The following TRMU variants were observed in gnomAD, a reference collection of about 807,000 sequenced individuals.
TRMU encodes the protein tRNA mitochondrial 2-thiouridylase.
Under a neutral mutation model 46.9 loss-of-function variants are expected in TRMU, and 49 were observed. That is an observed-to-expected ratio of 1.05 (90% CI 0.83 to 1.33). The LOEUF (loss-of-function observed/expected upper bound fraction) is 1.33. TRMU is among the 40% of genes most tolerant of loss of function. The pLI is 0.00. For synonymous variants in TRMU, 241 were observed against 200.9 expected (o/e 1.20, Z -1.69); for missense variants, 572 against 532.4 (o/e 1.07, Z -0.73).
chr22:46,336,492 T>G lies in TRMU; in HGVS notation c.82+646T>G, dbSNP rs2077982162. 1.3e-5 allele frequency: 2 copies of G among 152,338 alleles called. No individual in the cohort carries two copies. Among genetic ancestry groups the G allele is most frequent in the African/African-American group, 4.8e-5 (2 of 41,450 alleles). The allele number at this position is 152,338 out of a possible 1,614,324, so 9.4% of individuals were successfully genotyped here. A position where few individuals can be genotyped will look rare whatever the true frequency, so the allele number is the denominator to read the frequency against. ...CCTGTGTGGCTCCCCGCGGGAGGCC[T>G]CATTCACAGAGTCACGTTTGTGGAG... On this transcript the variant is annotated intron_variant, in intron 1 of 10. Coordinates refer to ENST00000645190, the MANE Select transcript of TRMU (RefSeq NM_018006.5). This position sits in a 1 kb window ranked among gnomAD's most constrained non-coding sequence, Gnocchi z 4.1.
chr22:46,345,935 T>C (rs183569940), intron 3 of TRMU, among the ~76,000 whole-genome samples: 100 of 151,894 alleles, frequency 6.6e-4, no homozygotes, highest in Admixed American at 1.2e-3. Flanking sequence ...GCCTGGCTAA[T>C]TTTTGTATTT....
Position 46,336,054 on chromosome 22 carries a change from G to A in TRMU, c.82+208G>A, listed in dbSNP as rs2077967150. On this transcript the variant is annotated intron_variant, in intron 1 of 10. Transcript: ENST00000645190. The surrounding 1 kb of genome is among the most constrained non-coding windows in gnomAD (Gnocchi z 4.1). ...CGGAGGTGTGCGCGACTGCAGCTCC[G>A]ACTACCTGGGAGCAGTTCCGCGCCC... is the stretch of plus-strand genomic sequence containing the variant. The A allele has an allele frequency of 7.1e-6, 10 of 1,401,718 alleles. No homozygotes were observed. Among genetic ancestry groups the A allele is most frequent in the African/African-American group, 1.5e-5 (1 of 65,708 alleles). 86.8% of individuals were successfully genotyped at this position (1,401,718 alleles called of 1,614,324 possible).
chr22:46,346,384 G>C, intron 3 of TRMU, 38 bp from the exon 4 acceptor site: 1 of 1,605,612 alleles, frequency 6.2e-7, no homozygotes, highest in Non-Finnish European at 8.5e-7. Flanking sequence ...GCAAGTATGA[G>C]TCTAAAACCT....
At chr22:46,337,202 A>G (rs1182608686) in intron 1 of TRMU, among the ~76,000 whole-genome samples, 1 of 152,218 alleles carries the variant, frequency 6.6e-6, no homozygotes, top group Non-Finnish European at 1.5e-5. Context: ...TAAACGAACC[A>G]GCTTTCTCAT....
intron 5 of TRMU, 82 bp from the exon 6 acceptor site, chr22:46,352,039 C>T: frequency 2.6e-6 from 4 of 1,520,802 alleles, no homozygotes; most frequent in South Asian, 1.1e-5. Flanking sequence ...CGGGAGGCCC[C>T]AGGGCCCGCT....
At position 46,336,196 on chromosome 22, in the gene TRMU, C is replaced by CT; in HGVS notation, c.82+351dup. The CT allele has an allele frequency of 8.8e-7, 1 of 1,142,180 alleles. No homozygotes were observed. The highest frequency in any genetic ancestry group is 1.1e-6 in the Non-Finnish European group (1 of 917,198). The allele number at this position is 1,142,180 out of a possible 1,614,324, so 70.8% of individuals were successfully genotyped here. A position where few individuals can be genotyped will look rare whatever the true frequency, so the allele number is the denominator to read the frequency against. On this transcript the variant is annotated intron_variant, in intron 1 of 10. Transcript: ENST00000645190. This position sits in a 1 kb window ranked among gnomAD's most constrained non-coding sequence, Gnocchi z 4.1. ...ACATTCACCTGTGAGACCGTGGACA[C>CT]TGGTGAGGGGAGCTGGGATCGCCGG...
chr22:46,352,146 A>G lies in TRMU; in HGVS notation c.677A>G (p.Lys226Arg). The G allele has an allele frequency of 6.2e-7, 1 of 1,613,948 alleles. No homozygotes were observed. Among genetic ancestry groups the G allele is most frequent in the Non-Finnish European group, 8.5e-7 (1 of 1,180,024 alleles). Residue 226 changes from lysine (K) to arginine (R), a missense_variant, in exon 6 of 11, where the codon AAG (lysine) becomes AGG (arginine). Coordinates refer to ENST00000645190, the MANE Select transcript of TRMU (RefSeq NM_018006.5). Reference sequence around the variant, plus strand: ...AGCATGGGCATGTGTTTCATCGGGAAGAGGAATTTTGAACATTTCCTTCTT... The same window carrying G: ...AGCATGGGCATGTGTTTCATCGGGAGGAGGAATTTTGAACATTTCCTTCTT... ...KESMGMCFIGKRNFEHFLLQY... is the reference protein window; with the variant it reads ...KESMGMCFIGRRNFEHFLLQY...
Position 46,335,732 on chromosome 22 carries a change from T to C in TRMU, c.-33T>C. ...TTCCGGCAAGGCGCGGAAGCGGCGG[T>C]AGCTGCAGCTGGCGAAGTTGGGCGA... On this transcript the variant is annotated 5_prime_UTR_variant, in exon 1 of 11. Coordinates refer to ENST00000645190, the MANE Select transcript of TRMU (RefSeq NM_018006.5). 1.3e-6 allele frequency: 2 copies of C among 1,541,024 alleles called. No individual in the cohort carries two copies. The highest frequency in any genetic ancestry group is 1.7e-6 in the Non-Finnish European group (2 of 1,146,738).
chr22:46,356,782 CCT>C, intron 10 of TRMU, 58 bp from the exon 11 acceptor site: 1 of 1,600,632 alleles, frequency 6.2e-7, no homozygotes, highest in Admixed American at 1.7e-5. Context: ...GCACTCTGCC[CCT>C]GCCTGCCCTC....
chr22:46,335,932 C>T (rs1318481456), intron 1 of TRMU, 86 bp downstream of exon 1: 2 of 1,510,556 alleles, frequency 1.3e-6, no homozygotes, highest in East Asian at 2.5e-5. Flanking sequence ...GTGCACGTCT[C>T]CTCCCTCCCT....
Position 46,348,980 on chromosome 22 carries a change from A to G in TRMU, c.479-1311A>G, listed in dbSNP as rs2078332270. ...AAACCCCATCTCTACTACAAATACA[A>G]AAAAAAAAGTTAGCCGAGTATGGTG... On this transcript the variant is annotated intron_variant, in intron 4 of 10. Coordinates refer to ENST00000645190, the MANE Select transcript of TRMU (RefSeq NM_018006.5). The surrounding 1 kb of genome is among the most constrained non-coding windows in gnomAD (Gnocchi z 4.8). 1.3e-5 allele frequency among the ~76,000 whole-genome samples: 2 copies of G among 150,664 alleles called. No homozygotes were observed. The highest frequency in any genetic ancestry group is 4.9e-5 in the African/African-American group (2 of 41,046).
rs1000103863 is a variant in TRMU, at chr22:46,351,902, C to T, written c.652-219C>T. The T allele has an allele frequency of 2.1e-5, 14 of 672,732 alleles. No individual in the cohort carries two copies. In the African/African-American group the frequency reaches 2.5e-4, roughly 12 times the overall value. The allele number at this position is 672,732 out of a possible 1,614,324, so 41.7% of individuals were successfully genotyped here. ...TGAGGGTCTCCCGCGCAGGGTCAGA[C>T]CCCGCGGGCCGAGACAATGAGGCGT... On this transcript the variant is annotated intron_variant, in intron 5 of 10. Transcript: ENST00000645190. The surrounding 1 kb of genome is among the most constrained non-coding windows in gnomAD (Gnocchi z 6.4).
intron 3 of TRMU, among the ~76,000 whole-genome samples, chr22:46,345,973 G>A (rs2078245095): frequency 6.6e-6 from 1 of 151,950 alleles, no homozygotes; most frequent in African/African-American, 2.4e-5. Context: ...TCACCATGTT[G>A]CCCAGGCTGG....
At chr22:46,341,158 A>G (rs1294031323) in intron 2 of TRMU, among the ~76,000 whole-genome samples, 1 of 152,206 alleles carries the variant, frequency 6.6e-6, no homozygotes, top group Admixed American at 6.5e-5. Context: ...GGGCTACTCC[A>G]TTGTTTTTGC....
intron 8 of TRMU, 96 bp downstream of exon 8, chr22:46,353,963 G>A: frequency 1.7e-6 from 2 of 1,171,862 alleles, no homozygotes; most frequent in Non-Finnish European, 2.5e-6. Context: ...CAGCAGCCGT[G>A]GCTTCCTGGA....
Position 46,336,590 on chromosome 22 carries a change from A to T in TRMU, c.82+744A>T, listed in dbSNP as rs542873264. The T allele has an allele frequency of 6.6e-6, 1 of 152,334 alleles. No homozygotes were observed. Among genetic ancestry groups the T allele is most frequent in the African/African-American group, 2.4e-5 (1 of 41,454 alleles). The allele number at this position is 152,334 out of a possible 1,614,324, so 9.4% of individuals were successfully genotyped here. ...AGCCGTCCCCTGTAAAATTCGGCTA[A>T]CACCTGCCTCACGGGGTGACTGGAG... On this transcript the variant is annotated intron_variant, in intron 1 of 10. Transcript: ENST00000645190. This position sits in a 1 kb window ranked among gnomAD's most constrained non-coding sequence, Gnocchi z 4.1.
At chr22:46,353,281 C>T (rs2078492149) in intron 7 of TRMU, 3 of 200,750 alleles carry the variant, frequency 1.5e-5, no homozygotes, top group Non-Finnish European at 3.1e-5. Context: ...GTTCTCTCTG[C>T]CTGTGTGCCC....
At chr22:46,337,502 C>T (rs1476224283) in intron 1 of TRMU, among the ~76,000 whole-genome samples, 1 of 151,994 alleles carries the variant, frequency 6.6e-6, no homozygotes, top group East Asian at 1.9e-4. Flanking sequence ...TCGTGTATTC[C>T]ACACACACTG....
chr22:46,335,843 A>C lies in TRMU; in HGVS notation c.79A>C (p.Arg27=), dbSNP rs1167225464. The change falls in exon 1 of 11, where the codon AGA becomes CGA. Residue 27 remains arginine, a synonymous_variant. Coordinates refer to ENST00000645190, the MANE Select transcript of TRMU (RefSeq NM_018006.5). ...SAVAALLLRR[R]GYQVTGVFMK... ...CGTGGCCGCGCTGCTGCTGAGGCGG[A>C]GAGGTGAGGCGTCCGAGGCTCCCGC... 1 of 1,548,582 alleles carries C rather than the reference A, an allele frequency of 6.5e-7. No individual in the cohort carries two copies. Among genetic ancestry groups the C allele is most frequent in the East Asian group, 2.4e-5 (1 of 41,240 alleles).
Sources: gnomAD v4.1 joint callset for allele counts (sites outside exome capture counted in the v4.1 genomes callset) on GRCh38, gnomAD v4.1.1 for gene constraint, Gnocchi (gnomAD v3.1) non-coding constraint, MANE v1.5 for transcripts, NCBI Gene and HGNC (gene_info 2026-07-23, HGNC 2026-07-21) for gene names.